The following SNX25 variants were observed in gnomAD, a reference collection of about 807,000 sequenced individuals.
The protein encoded by SNX25 is sorting nexin-25.
Under a neutral mutation model 113.7 loss-of-function variants are expected in SNX25, and 62 were observed. The observed-to-expected ratio is 0.55, with a 90% CI of 0.44 to 0.67. SNX25 has a LOEUF of 0.67. SNX25 is among the 30% of genes least tolerant of loss of function. SNX25 has a pLI of 0.00. For missense variants in SNX25, 1,014 were observed against 1,161.0 expected (o/e 0.87, Z 1.84); for synonymous variants, 421 against 436.2 (o/e 0.97, Z 0.43).
chr4:185,353,549 C>T lies in SNX25; in HGVS notation c.2531C>T (p.Ala844Val). The change falls in exon 15 of 19, where the codon GCC (alanine) becomes GTC (valine). Residue 844 changes from alanine (A) to valine (V), a missense_variant. Coordinates refer to ENST00000652585, the MANE Select transcript of SNX25 (RefSeq NM_001378034.2). The stretch of plus-strand genomic sequence containing the variant: ...GATGATGTGGATGGGAGGAAAGACG[C>T]CTTGGCTGAACCATGTTTCATGTTG... Reference protein sequence around the residue: ...YGDDVDGRKDALAEPCFMLIG... With the variant: ...YGDDVDGRKDVLAEPCFMLIG... The T allele has an allele frequency of 1.9e-6, 3 of 1,614,124 alleles. No homozygotes were observed. Among genetic ancestry groups the T allele is most frequent in the Non-Finnish European group, 2.5e-6 (3 of 1,180,018 alleles).
the SNX25 span, among the ~76,000 whole-genome samples, chr4:185,376,241 G>A: frequency 6.6e-6 from 1 of 152,076 alleles, no homozygotes; most frequent in African/African-American, 2.4e-5. Context: ...TAAAAATCAA[G>A]GCTTCAATTA....
At chr4:185,337,541 T>C (rs925826886) in intron 10 of SNX25, among the ~76,000 whole-genome samples, 6 of 152,244 alleles carry the variant, frequency 3.9e-5, no homozygotes, top group African/African-American at 1.4e-4. Context: ...TTGTTAGTAA[T>C]GTTACAATGA....
chr4:185,352,635 C>T (rs1237893537), intron 14 of SNX25, among the ~76,000 whole-genome samples: 1 of 152,158 alleles, frequency 6.6e-6, no homozygotes, highest in African/African-American at 2.4e-5. Flanking sequence ...CAGTCTTTAC[C>T]TTTCTCAGCC....
At chr4:185,220,496 T>TTG (rs924269883) in intron 1 of SNX25, among the ~76,000 whole-genome samples, 1 of 151,066 alleles carries the variant, frequency 6.6e-6, no homozygotes, top group South Asian at 2.1e-4. Flanking sequence ...TTTTTTTTTT[T>TTG]TTTTGAGATG....
intron 1 of SNX25, among the ~76,000 whole-genome samples, chr4:185,218,701 A>G (rs983614586): frequency 6.6e-6 from 1 of 152,250 alleles, no homozygotes; most frequent in Non-Finnish European, 1.5e-5. Context: ...CATCCTTAGG[A>G]TAAGACACAT....
downstream of SNX25, among the ~76,000 whole-genome samples, chr4:185,368,438 A>G (rs1162751398): frequency 3.4e-5 from 5 of 148,468 alleles, no homozygotes; most frequent in Non-Finnish European, 6.1e-5. Flanking sequence ...CTCCCTCCCA[A>G]CCTGTTCCCT....
intron 12 of SNX25, among the ~76,000 whole-genome samples, chr4:185,344,270 G>A (rs1032824445): frequency 7.9e-5 from 12 of 152,066 alleles, no homozygotes; most frequent in African/African-American, 2.4e-4. Context: ...GGGAACCCAG[G>A]GGATTTTAAA....
rs561881199 is a variant in SNX25, at chr4:185,252,441, A to T, written c.514+5063A>T. 9.2e-5 allele frequency among the ~76,000 whole-genome samples: 14 copies of T among 152,338 alleles called. No individual in the cohort carries two copies. The South Asian group carries it at 2.9e-3, about 32-fold the overall frequency. On this transcript the variant is annotated intron_variant, in intron 2 of 18. Transcript: ENST00000652585. ...TCTGTACATTTGCAAAACATTAAAC[A>T]ATATACTTGTTAAGGCTGTAGTAAT...
chr4:185,370,578 G>A, downstream of SNX25: 1 of 1,541,676 alleles, frequency 6.5e-7, no homozygotes, highest in Non-Finnish European at 8.9e-7. Context: ...AACTATTCAA[G>A]TTGCAGCTAA....
At chr4:185,369,821 T>C (rs1226046926) in exon 12 of SNX25, 3 of 420,606 alleles carry the variant, frequency 7.1e-6, no homozygotes, top group African/African-American at 2.1e-5. Flanking sequence ...GCCTGAACTT[T>C]GGAATTTGTA....
At chr4:185,217,367 T>G (rs1321570133) in intron 1 of SNX25, among the ~76,000 whole-genome samples, 2 of 152,204 alleles carry the variant, frequency 1.3e-5, no homozygotes, top group African/African-American at 4.8e-5. Context: ...GACTTTTCTT[T>G]GATACAATTC....
chr4:185,236,836 G>A (rs1012345116), intron 1 of SNX25, among the ~76,000 whole-genome samples: 4 of 151,872 alleles, frequency 2.6e-5, no homozygotes, highest in African/African-American at 4.8e-5. Flanking sequence ...TCTATTTTAC[G>A]TATGAGGAAA....
intron 5 of SNX25, among the ~76,000 whole-genome samples, chr4:185,279,306 A>G (rs907428010): frequency 9.2e-5 from 14 of 152,048 alleles, no homozygotes; most frequent in African/African-American, 3.1e-4. Flanking sequence ...GGTTTCCTCA[A>G]CCCTTGGGGT....
chr4:185,241,416 G>A (rs1337598364), intron 1 of SNX25, among the ~76,000 whole-genome samples: 14 of 143,044 alleles, frequency 9.8e-5, no homozygotes, highest in Non-Finnish European at 1.9e-4. Flanking sequence ...GCAGTGAGCT[G>A]AGATGGCAGC....
intron 2 of SNX25, among the ~76,000 whole-genome samples, chr4:185,254,347 A>G (rs1037632811): frequency 2.0e-5 from 3 of 152,220 alleles, no homozygotes; most frequent in African/African-American, 7.2e-5. Flanking sequence ...GTTGTTGTTT[A>G]TCATTGTCAT....
chr4:185,333,187 A>G (rs180695473), intron 10 of SNX25, among the ~76,000 whole-genome samples: 1 of 152,372 alleles, frequency 6.6e-6, no homozygotes, highest in East Asian at 1.9e-4. Flanking sequence ...CAGCAATTTG[A>G]AAGTTTAAAA....
intron 8 of SNX25, among the ~76,000 whole-genome samples, chr4:185,321,718 C>A (rs184371205): frequency 3.3e-5 from 5 of 152,252 alleles, no homozygotes; most frequent in Middle Eastern, 3.4e-3. Flanking sequence ...TACAGTCAGC[C>A]TTCCTTATCT....
chr4:185,237,829 G>A (rs1027283741), intron 1 of SNX25, among the ~76,000 whole-genome samples: 1 of 151,682 alleles, frequency 6.6e-6, no homozygotes, highest in Admixed American at 6.6e-5. Context: ...TTGGGAGGCC[G>A]AGGTGGGCGG....
At chr4:185,323,410 A>G in intron 8 of SNX25, 118 bp from the exon 9 acceptor site, 1 of 912,048 alleles carries the variant, frequency 1.1e-6, no homozygotes, top group South Asian at 1.7e-5. Flanking sequence ...AAAATTCTAC[A>G]TACCAGGGTG....
Sources: gnomAD v4.1 joint callset for allele counts (sites outside exome capture counted in the v4.1 genomes callset) on GRCh38, gnomAD v4.1.1 for gene constraint, MANE v1.5 for transcripts, NCBI Gene and HGNC (gene_info 2026-07-23, HGNC 2026-07-21) for gene names.